Variants in RP1 observed in about 807,000 individuals in gnomAD.
RP1 encodes the protein RP1 axonemal microtubule associated, also known as oxygen-regulated protein 1.
In RP1, 16 loss-of-function variants were observed where a neutral mutation model predicts 14.8. That is an observed-to-expected ratio of 1.08 (90% confidence interval 0.73 to 1.65). The LOEUF is 1.65. Among genes scored for constraint, RP1 ranks in the 40% most tolerant of loss-of-function variants. RP1 has a pLI of 0.00. For missense variants in RP1, 2,631 were observed against 2,535.0 expected (o/e 1.04, Z -0.81); for synonymous variants, 876 against 883.6 (o/e 0.99, Z 0.15).
intron 12 of RP1, among the ~76,000 whole-genome samples, chr8:54,683,050 T>C (rs1471231436): frequency 1.3e-5 from 2 of 152,208 alleles, no homozygotes; most frequent in African/African-American, 2.4e-5. Context: ...ATTTGTTAAA[T>C]AGGGAGTCCT....
intron 19 of RP1, among the ~76,000 whole-genome samples, chr8:54,749,815 G>A (rs763065678): frequency 4.6e-5 from 7 of 151,812 alleles, no homozygotes; most frequent in Non-Finnish European, 8.8e-5. Context: ...ATGAGTGGGA[G>A]ACCTGGCTTA....
intron 24 of RP1, among the ~76,000 whole-genome samples, chr8:54,789,975 A>G (rs1810421081): frequency 6.6e-6 from 1 of 152,214 alleles, no homozygotes; most frequent in South Asian, 2.1e-4. Flanking sequence ...CTGTCTGGCC[A>G]GAGAGATTGG....
At position 54,625,557 on chromosome 8, in the gene RP1, G is replaced by C. The variant is rs772895155; in HGVS notation, c.1675G>C (p.Glu559Gln). 3 of 1,613,952 alleles carry C rather than the reference G, an allele frequency of 1.9e-6. No homozygotes were observed. Among genetic ancestry groups the C allele is most frequent in the African/African-American group, 2.7e-5 (2 of 74,940 alleles). Residue 559 changes from glutamate to glutamine, a missense_variant, in exon 4 of 4, where the codon GAG becomes CAG. Coordinates refer to ENST00000220676, the MANE Select transcript of RP1 (RefSeq NM_006269.2). Reference protein sequence around the residue: ...VIEITSQKMLEMSHNNGLPST... With the variant: ...VIEITSQKMLQMSHNNGLPST... ...AGAAATTACAAGTCAGAAGATGTTA[G>C]AGATGTCACATAATAATGGTTTGCC...
At chr8:54,649,644 C>T (rs1156748719) in intron 4 of RP1, among the ~76,000 whole-genome samples, 2 of 152,154 alleles carry the variant, frequency 1.3e-5, no homozygotes, top group African/African-American at 4.8e-5. Flanking sequence ...AAGTCAGATA[C>T]ATTAGCAAAC....
intron 1 of RP1, among the ~76,000 whole-genome samples, chr8:54,575,278 T>C (rs1159538562): frequency 2.6e-5 from 4 of 152,174 alleles, no homozygotes; most frequent in Non-Finnish European, 4.4e-5. Flanking sequence ...TGTTCCCTAA[T>C]GTAACAAGGA....
At chr8:54,760,868 A>G (rs1036477100) in intron 22 of RP1, among the ~76,000 whole-genome samples, 1 of 152,130 alleles carries the variant, frequency 6.6e-6, no homozygotes, top group Admixed American at 6.5e-5. Context: ...GCCAAACTAC[A>G]AAGATTTTTT....
At chr8:54,726,959 T>C (rs1055922407) in intron 17 of RP1, among the ~76,000 whole-genome samples, 2 of 152,046 alleles carry the variant, frequency 1.3e-5, no homozygotes, top group African/African-American at 4.8e-5. Context: ...TATTAACTTT[T>C]ATCTGACGGG....
At chr8:54,740,687 G>A (rs1215237253) in intron 19 of RP1, among the ~76,000 whole-genome samples, 4 of 151,134 alleles carry the variant, frequency 2.6e-5, no homozygotes, top group Admixed American at 1.3e-4. Flanking sequence ...ACACCACTGC[G>A]TTCCAGCCTG....
At chr8:54,560,227 T>C (rs1446249882) in intron 1 of RP1, 1 of 152,052 alleles carries the variant, frequency 6.6e-6, no homozygotes, top group Non-Finnish European at 1.5e-5. Context: ...GTTTTGGGGA[T>C]GGGGAAGTTG....
chr8:54,575,105 T>A (rs1487652481), intron 1 of RP1, among the ~76,000 whole-genome samples: 1 of 152,186 alleles, frequency 6.6e-6, no homozygotes, highest in African/African-American at 2.4e-5. Flanking sequence ...AACTATGAAC[T>A]TTTTCCCAGG....
Position 54,761,233 on chromosome 8 carries a change from C to CTTTTT in RP1, c.3248+2174_3248+2178dup, listed in dbSNP as rs71554177. Among the ~76,000 whole-genome samples, 38 of 109,156 alleles carry CTTTTT rather than the reference C, an allele frequency of 3.5e-4. 1 individual carries two copies. The highest frequency in any genetic ancestry group is 4.3e-4 in the Admixed American group (4 of 9,302). 71.6% of individuals were successfully genotyped at this position (109,156 alleles called of 152,430 possible). ...ACCCATCATTTCTTGCGCTACCTTA[C>CTTTTT]TTTTTTTTTTTTTTTTTTTTTGAGA... On this transcript the variant is annotated intron_variant, in intron 22 of 22. Coordinates refer to the RP1 transcript ENST00000636932.
chr8:54,761,506 G>T (rs887878609), intron 22 of RP1, among the ~76,000 whole-genome samples: 2 of 151,968 alleles, frequency 1.3e-5, no homozygotes, highest in Non-Finnish European at 2.9e-5. Flanking sequence ...CAAACTGCTG[G>T]ATTACAGGCA....
chr8:54,746,290 C>A (rs1809222282), intron 19 of RP1, among the ~76,000 whole-genome samples: 1 of 152,198 alleles, frequency 6.6e-6, no homozygotes. Context: ...GAACACCTGC[C>A]CATTTCATGA....
At chr8:54,829,467 G>T (rs1811468433) in intron 24 of RP1, among the ~76,000 whole-genome samples, 1 of 152,094 alleles carries the variant, frequency 6.6e-6, no homozygotes, top group African/African-American at 2.4e-5. Context: ...TTATATTAAT[G>T]ATATTAATAA....
At chr8:54,760,896 A>T (rs1010245205) in intron 22 of RP1, among the ~76,000 whole-genome samples, 1 of 152,130 alleles carries the variant, frequency 6.6e-6, no homozygotes, top group Middle Eastern at 3.2e-3. Flanking sequence ...CTCAATGTGT[A>T]CTCAGAACTT....
chr8:54,649,277 G>T, intron 4 of RP1: 1 of 730,992 alleles, frequency 1.4e-6, no homozygotes, highest in Non-Finnish European at 1.9e-6. Context: ...AATAATTTAT[G>T]GAAGTTTTTG....
intron 25 of RP1, among the ~76,000 whole-genome samples, chr8:54,842,659 T>C (rs902075217): frequency 6.6e-6 from 1 of 152,052 alleles, no homozygotes; most frequent in African/African-American, 2.4e-5. Flanking sequence ...ACTGACAGAG[T>C]GACCCTCTTA....
At chr8:54,786,682 G>T (rs1308557504) in intron 24 of RP1, among the ~76,000 whole-genome samples, 1 of 151,806 alleles carries the variant, frequency 6.6e-6, no homozygotes, top group Non-Finnish European at 1.5e-5. Flanking sequence ...TATTGCTTTT[G>T]TGGAGCACTG....
Position 54,630,344 on chromosome 8 carries a change from A to G in RP1, c.6462A>G (p.Glu2154=). 3.1e-6 allele frequency: 5 copies of G among 1,613,704 alleles called. No individual in the cohort carries two copies. Among genetic ancestry groups the G allele is most frequent in the Admixed American group, 1.7e-5 (1 of 60,004 alleles). The change falls in exon 4 of 4, where the codon GAA becomes GAG. Residue 2154 remains glutamate, a synonymous_variant. Transcript: ENST00000220676. ...ATCTTGAAAGCAGTAGAGAACAAGAAGATTTATAATTTCAATATCAGCACA... is the reference window on the plus strand; with the variant it reads ...ATCTTGAAAGCAGTAGAGAACAAGAGGATTTATAATTTCAATATCAGCACA... ...LTDLESSREQ[E]DL
Sources: allele counts gnomAD v4.1 joint callset (sites outside exome capture counted in the v4.1 genomes callset), GRCh38; gene constraint gnomAD v4.1.1; transcripts MANE v1.5; gene names NCBI Gene and HGNC (gene_info 2026-07-23, HGNC 2026-07-21).